R3HDM2: variants seen among roughly 807,000 people sequenced by gnomAD.
R3HDM2 encodes R3H domain-containing protein 2.
In R3HDM2, 38 loss-of-function variants were observed where a neutral mutation model predicts 124.5. The observed-to-expected ratio is 0.31, with a 90% CI of 0.24 to 0.40. R3HDM2 has a LOEUF of 0.40. Among genes scored for constraint, R3HDM2 ranks in the 10% least tolerant of loss-of-function variants. R3HDM2 has a pLI of 1.00. For missense variants in R3HDM2, 869 were observed against 1,236.9 expected (o/e 0.70, Z 4.46); for synonymous variants, 391 against 448.0 (o/e 0.87, Z 1.61).
rs1300784073 is a variant in R3HDM2 at position 57,296,749 on chromosome 12, C to T, written c.561-198G>A. ...TTTATCTACAGTATTCTGCAGATTA[C>T]TATGACCTACTTTCCTCATTAAGAC... On this transcript the variant is annotated intron_variant, in intron 8 of 23. Transcript: ENST00000402412. The surrounding 1 kb of genome is among the most constrained non-coding windows in gnomAD (Gnocchi z 4.5). 1 of 570,626 alleles carries T rather than the reference C, an allele frequency of 1.8e-6. No homozygotes were observed. Among genetic ancestry groups the T allele is most frequent in the African/African-American group, 1.9e-5 (1 of 53,230 alleles). 35.3% of individuals were successfully genotyped at this position (570,626 alleles called of 1,614,324 possible). A position where few individuals can be genotyped will look rare whatever the true frequency, so the allele number is the denominator to read the frequency against.
At chr12:57,291,267 A>AAT (rs143975763) in intron 11 of R3HDM2, among the ~76,000 whole-genome samples, 1,806 of 149,370 alleles carry the variant, frequency 0.012, 26 homozygotes, top group African/African-American at 0.039. Context: ...ATGATGAAAA[A>AAT]ATATATATAT....
intron 17 of R3HDM2, 26 bp downstream of exon 17, chr12:57,268,896 T>C (rs2043032105): frequency 6.2e-7 from 1 of 1,608,988 alleles, no homozygotes; most frequent in African/African-American, 1.3e-5. Context: ...ACTGGGGTGA[T>C]CCTTCCCAAT....
intron 3 of R3HDM2, among the ~76,000 whole-genome samples, chr12:57,307,263 T>C (rs929161545): frequency 2.2e-4 from 33 of 152,174 alleles, no homozygotes; most frequent in African/African-American, 7.7e-4. Context: ...GGGAGACTTC[T>C]AGGGTATAAA....
chr12:57,410,245 T>G (rs866312377), intron 1 of R3HDM2, among the ~76,000 whole-genome samples: 2 of 151,684 alleles, frequency 1.3e-5, no homozygotes, highest in African/African-American at 2.4e-5. Context: ...TATCTGCCAT[T>G]TCTTGTGTTG....
chr12:57,258,305 T>C (rs2137000784), intron 20 of R3HDM2, among the ~76,000 whole-genome samples, 168 bp from the exon 21 acceptor site: 1 of 150,066 alleles, frequency 6.7e-6, no homozygotes, highest in South Asian at 2.1e-4. Context: ...AATTCATTTA[T>C]GCTATTTTAT....
At chr12:57,347,634 G>A (rs1251058618) in intron 2 of R3HDM2, among the ~76,000 whole-genome samples, 1 of 152,138 alleles carries the variant, frequency 6.6e-6, no homozygotes, top group Non-Finnish European at 1.5e-5. Flanking sequence ...TTTTAAAAAT[G>A]ACCCAATTAC....
At chr12:57,328,074 CT>C (rs71084742) in intron 2 of R3HDM2, among the ~76,000 whole-genome samples, 63,166 of 143,552 alleles carry the variant, frequency 0.44, 13,701 homozygotes, top group South Asian at 0.52. Context: ...TTCACGTTAT[CT>C]TTTTTTTTTT....
At position 57,291,291 on chromosome 12, in the gene R3HDM2, C is replaced by G. The variant is rs554421344; in HGVS notation, c.906+1281G>C. On this transcript the variant is annotated intron_variant, in intron 11 of 23. Transcript: ENST00000402412. The stretch of plus-strand genomic sequence containing the variant: ...AAATATATATATATATATTCTCCCC[C>G]CTTGGTGAGAAAGGGGAGAATGGGG... Among the ~76,000 whole-genome samples, 7 of 151,910 alleles carry G rather than the reference C, an allele frequency of 4.6e-5. No individual in the cohort carries two copies. In the East Asian group the frequency reaches 1.4e-3, roughly 29 times the overall value.
At chr12:57,347,556 G>A (rs2060208128) in intron 2 of R3HDM2, among the ~76,000 whole-genome samples, 1 of 152,156 alleles carries the variant, frequency 6.6e-6, no homozygotes, top group Admixed American at 6.6e-5. Flanking sequence ...ATCTAACATA[G>A]TAACAATTAT....
intron 2 of R3HDM2, among the ~76,000 whole-genome samples, chr12:57,315,140 T>C (rs980801388): frequency 2.2e-4 from 33 of 152,110 alleles, no homozygotes; most frequent in African/African-American, 7.7e-4. Flanking sequence ...CAGGTTCAAG[T>C]GATTCTTCTG....
intron 2 of R3HDM2, among the ~76,000 whole-genome samples, chr12:57,345,941 C>T (rs2060041668): frequency 6.6e-6 from 1 of 152,182 alleles, no homozygotes; most frequent in South Asian, 2.1e-4. Flanking sequence ...AGGCAGATCA[C>T]CTGAGATCAG....
chr12:57,428,156 AAGG>A (rs1021395631), intron 1 of R3HDM2, among the ~76,000 whole-genome samples: 3 of 151,650 alleles, frequency 2.0e-5, no homozygotes, highest in Non-Finnish European at 4.4e-5. Context: ...TAAAGACCTG[AAGG>A]AGATGAGGGG....
intron 19 of R3HDM2, among the ~76,000 whole-genome samples, chr12:57,263,288 C>A (rs1592392830): frequency 6.6e-6 from 1 of 152,324 alleles, no homozygotes; most frequent in East Asian, 1.9e-4. Flanking sequence ...CAGTACCCAG[C>A]ACCACCATAG....
chr12:57,428,051 T>C (rs1253833805), intron 1 of R3HDM2, among the ~76,000 whole-genome samples: 6 of 147,980 alleles, frequency 4.1e-5, no homozygotes, highest in African/African-American at 1.5e-4. Context: ...ACCCAGGAGG[T>C]AGAGGTTGCA....
intron 2 of R3HDM2, among the ~76,000 whole-genome samples, chr12:57,365,998 T>C (rs1367587447): frequency 2.0e-5 from 3 of 152,122 alleles, no homozygotes; most frequent in Non-Finnish European, 4.4e-5. Context: ...TCCAGATCTG[T>C]GGGATTACAG....
At chr12:57,367,496 T>C (rs1265119898) in intron 2 of R3HDM2, among the ~76,000 whole-genome samples, 2 of 152,228 alleles carry the variant, frequency 1.3e-5, no homozygotes, top group African/African-American at 4.8e-5. Flanking sequence ...TTAAATATTC[T>C]GCCACACAAT....
intron 2 of R3HDM2, among the ~76,000 whole-genome samples, chr12:57,393,471 C>T (rs1254463539): frequency 6.6e-6 from 1 of 151,986 alleles, no homozygotes; most frequent in African/African-American, 2.4e-5. Flanking sequence ...CACAGCAAGA[C>T]CTCATCTCTA....
chr12:57,353,595 T>C (rs1406222640), intron 2 of R3HDM2, among the ~76,000 whole-genome samples: 1 of 152,132 alleles, frequency 6.6e-6, no homozygotes, highest in Non-Finnish European at 1.5e-5. Flanking sequence ...TTTTATTTTT[T>C]TTAGATATGG....
chr12:57,404,637 T>C (rs964944639), intron 1 of R3HDM2, among the ~76,000 whole-genome samples: 2 of 151,996 alleles, frequency 1.3e-5, no homozygotes, highest in Admixed American at 1.3e-4. Flanking sequence ...GAGGTGGAGG[T>C]TGCAGTGAGC....
Sources: allele counts gnomAD v4.1 joint callset (sites outside exome capture counted in the v4.1 genomes callset), GRCh38; gene constraint gnomAD v4.1.1; non-coding constraint Gnocchi (gnomAD v3.1); transcripts MANE v1.5; gene names NCBI Gene and HGNC (gene_info 2026-07-23, HGNC 2026-07-21).